RBKS: variants seen among roughly 807,000 people sequenced by gnomAD.
The protein encoded by RBKS is ribokinase.
Under a neutral mutation model 33.9 loss-of-function variants are expected in RBKS, and 33 were observed. That is an observed-to-expected ratio of 0.97 (90% CI 0.74 to 1.30). The LOEUF is 1.30. Among genes scored for constraint, RBKS ranks in the 50% most tolerant of loss-of-function variants. The pLI is 0.00. For missense variants in RBKS, 361 were observed against 392.6 expected, an observed-to-expected ratio of 0.92 and a Z score of 0.68; for synonymous variants, 125 against 143.0, an observed-to-expected ratio of 0.87 and a Z score of 0.90.
intron 1 of RBKS, chr2:27,861,651 T>G: frequency 2.4e-6 from 1 of 416,968 alleles, no homozygotes; most frequent in East Asian, 9.9e-5. Flanking sequence ...ATTAGTATGT[T>G]CCATTTCTTT....
At chr2:27,814,505 A>C (rs1328725550) in intron 7 of RBKS, among the ~76,000 whole-genome samples, 1 of 152,168 alleles carries the variant, frequency 6.6e-6, no homozygotes, top group African/African-American at 2.4e-5. Flanking sequence ...GGGGCGAAAT[A>C]AATGTATGTA....
rs1000838332 is a variant in RBKS, at chr2:27,868,881, T to A, written c.90-10310A>T. Among the ~76,000 whole-genome samples, 10 of 152,336 alleles carry A rather than the reference T, an allele frequency of 6.6e-5. 1 individual carries two copies. The highest frequency in any genetic ancestry group is 1.4e-4 in the African/African-American group (6 of 41,584). On this transcript the variant is annotated intron_variant, in intron 1 of 7. Transcript: ENST00000302188. ...GGAGTCCTAATATAGTAAGTCCAAT[T>A]GAAATAACTAATACATTAATAATGG...
intron 1 of RBKS, among the ~76,000 whole-genome samples, chr2:27,888,133 CT>C (rs796783582): frequency 0.015 from 2,117 of 145,562 alleles, 52 homozygotes; most frequent in African/African-American, 0.049. Flanking sequence ...CTTTTCTTTT[CT>C]TTTTTTTTTT....
chr2:27,836,608 C>A (rs1678524572), intron 5 of RBKS, among the ~76,000 whole-genome samples: 1 of 152,122 alleles, frequency 6.6e-6, no homozygotes, highest in African/African-American at 2.4e-5. Context: ...TTGGCTAAGT[C>A]CCCCAAAGCA....
chr2:27,815,624 C>T (rs1450810495), intron 7 of RBKS, among the ~76,000 whole-genome samples: 1 of 152,190 alleles, frequency 6.6e-6, no homozygotes, highest in Non-Finnish European at 1.5e-5. Flanking sequence ...ACCATTACAA[C>T]ACCCTAGGAA....
chr2:27,806,297 C>T (rs1677895633), intron 7 of RBKS, among the ~76,000 whole-genome samples: 3 of 152,194 alleles, frequency 2.0e-5, no homozygotes, highest in Admixed American at 2.0e-4. Context: ...ATCTGAGACA[C>T]ATCCATAAGG....
chr2:27,814,624 T>C (rs1678053681), intron 7 of RBKS, among the ~76,000 whole-genome samples: 1 of 152,218 alleles, frequency 6.6e-6, no homozygotes, highest in East Asian at 1.9e-4. Flanking sequence ...ATTTTCCTAA[T>C]TGGGAACAGG....
intron 7 of RBKS, among the ~76,000 whole-genome samples, chr2:27,792,254 G>A (rs1255615345): frequency 6.6e-6 from 1 of 152,220 alleles, no homozygotes; most frequent in Non-Finnish European, 1.5e-5. Flanking sequence ...GGGCTTTGGA[G>A]TAAGATAGAC....
chr2:27,854,006 A>G (rs1411438127), intron 2 of RBKS, among the ~76,000 whole-genome samples: 1 of 152,212 alleles, frequency 6.6e-6, no homozygotes, highest in East Asian at 1.9e-4. Flanking sequence ...TGATTCTCCC[A>G]CAGTAATCTA....
chr2:27,874,631 C>A (rs1456069623), intron 1 of RBKS, among the ~76,000 whole-genome samples: 1 of 152,192 alleles, frequency 6.6e-6, no homozygotes, highest in African/African-American at 2.4e-5. Context: ...ATAACTCCAA[C>A]CCCTTTCTCT....
intron 7 of RBKS, among the ~76,000 whole-genome samples, chr2:27,814,512 T>C (rs1416716638): frequency 6.6e-6 from 1 of 152,166 alleles, no homozygotes; most frequent in Non-Finnish European, 1.5e-5. Flanking sequence ...AATAAATGTA[T>C]GTATTTAATG....
intron 2 of RBKS, among the ~76,000 whole-genome samples, chr2:27,856,655 C>G (rs901275385): frequency 6.6e-6 from 1 of 152,130 alleles, no homozygotes; most frequent in East Asian, 1.9e-4. Context: ...GAGAGGGGTT[C>G]TCTAATCTCT....
intron 7 of RBKS, among the ~76,000 whole-genome samples, chr2:27,801,384 G>T (rs966655120): frequency 6.6e-6 from 1 of 151,364 alleles, no homozygotes; most frequent in Non-Finnish European, 1.5e-5. Context: ...CTCCCCGAAA[G>T]GGGTCAAAAT....
At chr2:27,809,604 CT>C (rs1029637571) in intron 7 of RBKS, 31 of 197,890 alleles carry the variant, frequency 1.6e-4, no homozygotes, top group South Asian at 5.7e-4. Context: ...CAGCAATCCC[CT>C]TTTTTTTGTG....
intron 1 of RBKS, among the ~76,000 whole-genome samples, chr2:27,883,213 T>G (rs1664454339): frequency 6.6e-6 from 1 of 151,622 alleles, no homozygotes; most frequent in East Asian, 1.9e-4. Context: ...TTTTTTTTTT[T>G]TTTTGAGACG....
chr2:27,867,741 T>C (rs1664128990), intron 1 of RBKS, among the ~76,000 whole-genome samples: 1 of 152,150 alleles, frequency 6.6e-6, no homozygotes, highest in Non-Finnish European at 1.5e-5. Context: ...TGAGCTAATT[T>C]TGGAATTAGA....
At chr2:27,789,917 TTGTGTGTGTATATATATATATATG>T (rs1677479028) in intron 7 of RBKS, among the ~76,000 whole-genome samples, 1 of 105,618 alleles carries the variant, frequency 9.5e-6, no homozygotes, top group Admixed American at 9.0e-5. Flanking sequence ...GTGTGTGTGT[TTGTGTGTGTATATATATATATATG>T]TATATGTGTA....
chr2:27,890,102 A>C lies in RBKS; in HGVS notation c.89+155T>G, dbSNP rs901614406. ...TATACTCAAGTTCTTTCATGCCAGG[A>C]AGGTAGGCTGAAGGCTTCGAAAACC... On this transcript the variant is annotated intron_variant, in intron 1 of 7. Transcript: ENST00000302188. This position sits in a 1 kb window ranked among gnomAD's most constrained non-coding sequence, Gnocchi z 4.8. 5 of 618,222 alleles carry C rather than the reference A, an allele frequency of 8.1e-6. No individual in the cohort carries two copies. The African/African-American group carries it at 9.3e-5, about 11-fold the overall frequency. The allele number at this position is 618,222 out of a possible 1,614,324, so 38.3% of individuals were successfully genotyped here.
At chr2:27,811,019 T>G in intron 7 of RBKS, among the ~76,000 whole-genome samples, 1 of 152,224 alleles carries the variant, frequency 6.6e-6, no homozygotes, top group Non-Finnish European at 1.5e-5. Flanking sequence ...CACTTCATCC[T>G]TAACTCTCCT....
Sources: gnomAD v4.1 joint callset for allele counts (sites outside exome capture counted in the v4.1 genomes callset) on GRCh38, gnomAD v4.1.1 for gene constraint, Gnocchi (gnomAD v3.1) non-coding constraint, MANE v1.5 for transcripts, NCBI Gene and HGNC (gene_info 2026-07-23, HGNC 2026-07-21) for gene names.